The following HIVEP3 variants were observed in gnomAD, a reference collection of about 807,000 sequenced individuals.
HIVEP3 encodes HIVEP zinc finger 3.
Under a neutral mutation model 152.8 loss-of-function variants are expected in HIVEP3, and 49 were observed. The observed-to-expected ratio is 0.32, with a 90% CI of 0.26 to 0.41. The LOEUF (loss-of-function observed/expected upper bound fraction) is 0.41. HIVEP3 is among the 10% of genes least tolerant of loss of function. The pLI, the probability that HIVEP3 is intolerant of heterozygous loss-of-function variation, is 1.00. For synonymous variants in HIVEP3, 1,269 were observed against 1,289.0 expected (o/e 0.98, Z 0.33); for missense variants, 2,790 against 3,103.3 (o/e 0.90, Z 2.40).
chr1:41,956,262 AACATAAGC>A (rs1645139893), intron 1 of HIVEP3, among the ~76,000 whole-genome samples: 1 of 152,240 alleles, frequency 6.6e-6, no homozygotes, highest in East Asian at 1.9e-4. Flanking sequence ...GAAACTAAGG[AACATAAGC>A]ACACACTGGA....
chr1:42,000,971 ATATAGTAATAC>A (rs2124523605), intron 1 of HIVEP3, among the ~76,000 whole-genome samples: 1 of 152,346 alleles, frequency 6.6e-6, no homozygotes, highest in East Asian at 1.9e-4. Context: ...AGTGCGTTAC[ATATAGTAATAC>A]TTGCAACAAC....
chr1:41,715,188 A>G (rs1337379151), intron 1 of HIVEP3, among the ~76,000 whole-genome samples: 2 of 152,162 alleles, frequency 1.3e-5, no homozygotes, highest in African/African-American at 4.8e-5. Context: ...CTTCTCTCCG[A>G]CCTGGGAGCT....
intron 2 of HIVEP3, among the ~76,000 whole-genome samples, chr1:41,673,975 C>T (rs868640063): frequency 1.3e-5 from 2 of 152,208 alleles, no homozygotes; most frequent in Non-Finnish European, 2.9e-5. Flanking sequence ...AGGAAACAGG[C>T]ACAGAGAGCT....
chr1:41,783,366 T>G (rs1454613522), intron 1 of HIVEP3, among the ~76,000 whole-genome samples: 1 of 152,150 alleles, frequency 6.6e-6, no homozygotes, highest in African/African-American at 2.4e-5. Context: ...AATCACACAC[T>G]GACTCAAAGA....
At chr1:41,808,379 C>T (rs536939548) in intron 1 of HIVEP3, among the ~76,000 whole-genome samples, 17 of 152,362 alleles carry the variant, frequency 1.1e-4, no homozygotes, top group Non-Finnish European at 1.3e-4. Context: ...GTCCTCTCCT[C>T]CTTCTATTGA....
chr1:41,589,595 G>A (rs1243409882), intron 3 of HIVEP3, among the ~76,000 whole-genome samples: 1 of 152,230 alleles, frequency 6.6e-6, no homozygotes, highest in Admixed American at 6.5e-5. Flanking sequence ...CAGAGGGCAG[G>A]TGGGAGATGG....
intron 1 of HIVEP3, among the ~76,000 whole-genome samples, chr1:41,770,358 C>T (rs944012215): frequency 3.3e-5 from 5 of 152,222 alleles, no homozygotes; most frequent in Middle Eastern, 3.4e-3. Context: ...AGTTTTAACA[C>T]GTGTCCGAAA....
intron 5 of HIVEP3, among the ~76,000 whole-genome samples, chr1:41,531,838 CA>C (rs1643264962): frequency 1.4e-4 from 2 of 14,078 alleles, no homozygotes; most frequent in Admixed American, 8.7e-4. Flanking sequence ...AGATGGAGGA[CA>C]GGAGAGATGG....
intron 1 of HIVEP3, among the ~76,000 whole-genome samples, chr1:41,851,296 T>C (rs1238870374): frequency 4.4e-5 from 3 of 68,774 alleles, no homozygotes; most frequent in Non-Finnish European, 6.8e-5. Flanking sequence ...CTTCTTTTTT[T>C]TTTTTTTTTT....
chr1:41,545,094 G>A (rs1259982358), intron 5 of HIVEP3, among the ~76,000 whole-genome samples: 20 of 55,576 alleles, frequency 3.6e-4, no homozygotes, highest in African/African-American at 9.8e-4. Context: ...CTCTACCATC[G>A]CTACCATCAC....
At chr1:42,021,162 A>G (rs977090654) in intron 1 of HIVEP3, among the ~76,000 whole-genome samples, 1 of 152,192 alleles carries the variant, frequency 6.6e-6, no homozygotes, top group Non-Finnish European at 1.5e-5. Flanking sequence ...AGAATAGACC[A>G]TAAGGGGGAA....
At chr1:41,546,129 G>C (rs189342391) in intron 5 of HIVEP3, among the ~76,000 whole-genome samples, 1 of 152,344 alleles carries the variant, frequency 6.6e-6, no homozygotes, top group East Asian at 1.9e-4. Context: ...TGCAGATGGG[G>C]TGGAGGGTGG....
chr1:41,975,642 C>T (rs890351666), intron 1 of HIVEP3, among the ~76,000 whole-genome samples: 14 of 152,198 alleles, frequency 9.2e-5, no homozygotes, highest in Admixed American at 9.2e-4. Context: ...ATGAGTCTAT[C>T]TGAGCACAGT....
chr1:41,850,754 G>C (rs1031709562), intron 1 of HIVEP3, among the ~76,000 whole-genome samples: 1 of 152,204 alleles, frequency 6.6e-6, no homozygotes, highest in Non-Finnish European at 1.5e-5. Flanking sequence ...GGTTTTCTCA[G>C]AAATCCCATA....
intron 1 of HIVEP3, among the ~76,000 whole-genome samples, chr1:41,899,235 C>CA (rs1412292041): frequency 6.6e-6 from 1 of 152,170 alleles, no homozygotes; most frequent in Non-Finnish European, 1.5e-5. Flanking sequence ...AATGTGGGCT[C>CA]TCATCTGATG....
chr1:41,665,464 A>G lies in HIVEP3; in HGVS notation c.-721+35452T>C, dbSNP rs140991688. 4.0e-3 allele frequency among the ~76,000 whole-genome samples: 602 copies of G among 152,032 alleles called. 2 individuals are homozygous for G. The highest frequency in any genetic ancestry group is 7.0e-3 in the Non-Finnish European group (474 of 67,986). ...TGCATTCCTCAAACATGAATCAGGCACCATTTCTGTGTTGGGAACATGTAA... is the reference window on the plus strand; with the variant it reads ...TGCATTCCTCAAACATGAATCAGGCGCCATTTCTGTGTTGGGAACATGTAA... On this transcript the variant is annotated intron_variant, in intron 2 of 8. Coordinates refer to ENST00000372583, the MANE Select transcript of HIVEP3 (RefSeq NM_024503.5).
chr1:41,659,115 C>T (rs773515898), intron 2 of HIVEP3, among the ~76,000 whole-genome samples: 2 of 152,214 alleles, frequency 1.3e-5, no homozygotes, highest in Non-Finnish European at 2.9e-5. Context: ...ATATCAGCAG[C>T]GAACTGCAAG....
chr1:41,521,979 CT>C (rs1642771498), intron 6 of HIVEP3, among the ~76,000 whole-genome samples: 1 of 152,264 alleles, frequency 6.6e-6, no homozygotes, highest in Non-Finnish European at 1.5e-5. Flanking sequence ...TGACGCATTC[CT>C]TAGCCAGTTT....
intron 1 of HIVEP3, among the ~76,000 whole-genome samples, chr1:41,804,101 T>G (rs1021314434): frequency 2.0e-5 from 3 of 152,348 alleles, no homozygotes; most frequent in East Asian, 1.9e-4. Context: ...TCTCAAATCT[T>G]TATTTGGAAT....
Sources: allele counts gnomAD v4.1 joint callset (sites outside exome capture counted in the v4.1 genomes callset), GRCh38; gene constraint gnomAD v4.1.1; transcripts MANE v1.5; gene names NCBI Gene and HGNC (gene_info 2026-07-23, HGNC 2026-07-21).